ZWILCH: variants seen among roughly 807,000 people sequenced by gnomAD.
The protein encoded by ZWILCH is protein zwilch homolog.
Under a neutral mutation model 79.9 loss-of-function variants are expected in ZWILCH, and 74 were observed. That is an observed-to-expected ratio of 0.93 (90% CI 0.77 to 1.12). The LOEUF (loss-of-function observed/expected upper bound fraction) is 1.12, where lower values mean the gene tolerates loss of function less well. Among genes scored for constraint, ZWILCH ranks in the 50% most tolerant of loss-of-function variants. The pLI is 0.00. For synonymous variants in ZWILCH, 241 were observed against 228.2 expected (o/e 1.06, Z -0.51); for missense variants, 694 against 687.5 (o/e 1.01, Z -0.11).
At chr15:66,527,265 T>A in intron 8 of ZWILCH, 25 bp from the exon 9 acceptor site, 1 of 1,569,996 alleles carries the variant, frequency 6.4e-7, no homozygotes, top group Middle Eastern at 1.7e-4. Context: ...CTAACAAGTT[T>A]TTGGGGTTTT....
At position 66,544,724 on chromosome 15, in the gene ZWILCH, T is replaced by TTTTTTTTTGTGTGTGTGTGTG. The variant is rs145952622; in HGVS notation, c.1688-1866_1688-1865insTTTTTTTGTGTGTGTGTGTGT. 3.1e-5 allele frequency among the ~76,000 whole-genome samples: 4 copies of TTTTTTTTTGTGTGTGTGTGTG among 128,538 alleles called. No homozygotes were observed. In the East Asian group the frequency reaches 9.9e-4, roughly 32 times the overall value. 84.3% of individuals were successfully genotyped at this position (128,538 alleles called of 152,430 possible). On this transcript the variant is annotated intron_variant, in intron 17 of 18. Transcript: ENST00000307897. ...TGTTTTTTTGTTGTTTTTTTGGTTT[T>TTTTTTTTTGTGTGTGTGTGTG]TGTGTGTGTGTGTGTGTGTGTGTGT...
intron 3 of ZWILCH, among the ~76,000 whole-genome samples, chr15:66,514,923 T>A (rs1428364709): frequency 1.3e-5 from 2 of 152,142 alleles, no homozygotes; most frequent in East Asian, 3.9e-4. Flanking sequence ...CTTTACCTAA[T>A]CATTTTGTGC....
chr15:66,541,446 G>A (rs779835826), intron 17 of ZWILCH, among the ~76,000 whole-genome samples: 9 of 152,074 alleles, frequency 5.9e-5, no homozygotes, highest in Non-Finnish European at 1.2e-4. Flanking sequence ...TCAAGCAATA[G>A]GGACATAGGA....
chr15:66,521,247 C>T, intron 7 of ZWILCH, 42 bp downstream of exon 7: 1 of 1,595,760 alleles, frequency 6.3e-7, no homozygotes, highest in Non-Finnish European at 8.5e-7. Context: ...CATGAGACTC[C>T]TAAATGTTGG....
Position 66,519,083 on chromosome 15 carries a change from G to C in ZWILCH, c.520+5G>C, listed in dbSNP as rs1174560680. ...TATATGTGGTCAGTTGTAAAGGTGA[G>C]TGCTCTCTCTAGAGAGTGTGTGTGT... On this transcript the variant is annotated splice_donor_5th_base_variant and intron_variant, in intron 5 of 18. Transcript: ENST00000307897. 6.2e-7 allele frequency: 1 copy of C among 1,613,586 alleles called. No homozygotes were observed. Among genetic ancestry groups the C allele is most frequent in the Non-Finnish European group, 8.5e-7 (1 of 1,179,484 alleles).
intron 17 of ZWILCH, among the ~76,000 whole-genome samples, chr15:66,541,444 T>C (rs1295311080): frequency 6.6e-6 from 1 of 152,080 alleles, no homozygotes; most frequent in Non-Finnish European, 1.5e-5. Flanking sequence ...GATCAAGCAA[T>C]AGGGACATAG....
At chr15:66,525,711 A>G (rs538129446) in intron 8 of ZWILCH, among the ~76,000 whole-genome samples, 7 of 146,692 alleles carry the variant, frequency 4.8e-5, no homozygotes, top group Admixed American at 1.4e-4. Context: ...AAGTTCGCCT[A>G]TGCTCCTAAT....
At chr15:66,510,854 G>C (rs186924127) in intron 2 of ZWILCH, among the ~76,000 whole-genome samples, 71 of 152,282 alleles carry the variant, frequency 4.7e-4, no homozygotes, top group African/African-American at 1.6e-3. Flanking sequence ...CCCCCTGCGT[G>C]TCTATGCCTC....
In ZWILCH at chr15:66,519,090, C is replaced by T. The variant is rs368182026; in HGVS notation, c.520+12C>T. Reference sequence around the variant, plus strand: ...GGTCAGTTGTAAAGGTGAGTGCTCTCTCTAGAGAGTGTGTGTGTGTATTTA... The same window carrying T: ...GGTCAGTTGTAAAGGTGAGTGCTCTTTCTAGAGAGTGTGTGTGTGTATTTA... On this transcript the variant is annotated intron_variant, in intron 5 of 18. Coordinates refer to ENST00000307897, the MANE Select transcript of ZWILCH (RefSeq NM_017975.5). 2 of 1,611,174 alleles carry T rather than the reference C, an allele frequency of 1.2e-6. No individual in the cohort carries two copies. The highest frequency in any genetic ancestry group is 1.7e-6 in the Non-Finnish European group (2 of 1,177,338).
intron 8 of ZWILCH, among the ~76,000 whole-genome samples, chr15:66,525,672 T>C (rs1381189023): frequency 6.6e-6 from 1 of 151,578 alleles, no homozygotes; most frequent in East Asian, 1.9e-4. Context: ...ATGTTTAACA[T>C]CCCTGGCCCC....
chr15:66,524,057 A>G (rs1894594153), intron 8 of ZWILCH, among the ~76,000 whole-genome samples: 1 of 152,012 alleles, frequency 6.6e-6, no homozygotes, highest in South Asian at 2.1e-4. Context: ...GTCGATTGAC[A>G]TCTTAGTTGT....
intron 7 of ZWILCH, 94 bp downstream of exon 7, chr15:66,521,299 C>T (rs1042306432): frequency 9.0e-6 from 13 of 1,443,698 alleles, no homozygotes; most frequent in Middle Eastern, 4.8e-4. Flanking sequence ...CTAGCCTTGG[C>T]ACTTGCTGAG....
chr15:66,541,424 T>C (rs916476412), intron 17 of ZWILCH, among the ~76,000 whole-genome samples: 4 of 152,168 alleles, frequency 2.6e-5, no homozygotes, highest in African/African-American at 9.7e-5. Context: ...GAGGAACTTT[T>C]ACTAAAAGAG....
At position 66,520,913 on chromosome 15, in the gene ZWILCH, T is replaced by G. The variant is rs113945693; in HGVS notation, c.592-137T>G. 3.2e-3 allele frequency: 3,136 copies of G among 969,782 alleles called. 56 individuals are homozygous for G. In the African/African-American group the frequency reaches 0.045, roughly 14 times the overall value. 60.1% of individuals were successfully genotyped at this position (969,782 alleles called of 1,614,324 possible). On this transcript the variant is annotated intron_variant, in intron 6 of 18. Coordinates refer to ENST00000307897, the MANE Select transcript of ZWILCH (RefSeq NM_017975.5). ...ATGGAAAGTATATATCCCAAAAATATATGGAAAGTATATATCCCAAAAGTA... is the reference window on the plus strand; with the variant it reads ...ATGGAAAGTATATATCCCAAAAATAGATGGAAAGTATATATCCCAAAAGTA...
Position 66,515,659 on chromosome 15 carries a change from A to G in ZWILCH, c.320+15A>G, listed in dbSNP as rs1894224482. 1.3e-6 allele frequency: 2 copies of G among 1,557,302 alleles called. No individual in the cohort carries two copies. The highest frequency in any genetic ancestry group is 1.8e-6 in the Non-Finnish European group (2 of 1,129,124). ...GGGAAGGCAAGGTAGGTTTTCTCTT[A>G]TGCTGAGTAGGGGTGGCAACTAGGA... On this transcript the variant is annotated intron_variant, in intron 4 of 18. Coordinates refer to ENST00000307897, the MANE Select transcript of ZWILCH (RefSeq NM_017975.5).
At position 66,537,158 on chromosome 15, in the gene ZWILCH, GT is replaced by G; in HGVS notation, c.1479-4del. The G allele has an allele frequency of 4.4e-6, 7 of 1,606,938 alleles. No homozygotes were observed. The highest frequency in any genetic ancestry group is 5.9e-6 in the Non-Finnish European group (7 of 1,176,720). ...TTTTTTCCAAAAGAGGTTCCATTTTGTTTTTTCAGGATCTGCATAAAGTATT... is the reference window on the plus strand; with the variant it reads ...TTTTTTCCAAAAGAGGTTCCATTTTGTTTTTCAGGATCTGCATAAAGTATT... On this transcript the variant is annotated splice_polypyrimidine_tract_variant and intron_variant, in intron 15 of 18. Transcript: ENST00000307897.
At chr15:66,510,638 T>C (rs1378530275) in intron 2 of ZWILCH, among the ~76,000 whole-genome samples, 3 of 152,136 alleles carry the variant, frequency 2.0e-5, no homozygotes, top group African/African-American at 7.2e-5. Flanking sequence ...ATTAGGCAGC[T>C]TCAAACACAA....
At chr15:66,532,516 C>T (rs1314184915) in intron 13 of ZWILCH, 113 bp downstream of exon 13, 6 of 904,184 alleles carry the variant, frequency 6.6e-6, no homozygotes, top group Non-Finnish European at 9.6e-6. Context: ...TCCTTCCTGG[C>T]TTTGTACCTG....
In ZWILCH at chr15:66,521,098, T is replaced by C. The variant is rs767752119; in HGVS notation, c.640T>C (p.Leu214=). 6.2e-7 allele frequency: 1 copy of C among 1,614,198 alleles called. No individual in the cohort carries two copies. Among genetic ancestry groups the C allele is most frequent in the Non-Finnish European group, 8.5e-7 (1 of 1,180,038 alleles). The change falls in exon 7 of 19, where the codon TTG becomes CTG. Residue 214 remains leucine, a synonymous_variant. Transcript: ENST00000307897. ...GTATGAGCTCTTTAAGTCCTCTGCC[T>C]TGGATGATACAATCACAGCATCACA... ...AQYELFKSSA[L]DDTITASQTA...
Sources: allele counts gnomAD v4.1 joint callset (sites outside exome capture counted in the v4.1 genomes callset), GRCh38; gene constraint gnomAD v4.1.1; transcripts MANE v1.5; gene names NCBI Gene and HGNC (gene_info 2026-07-23, HGNC 2026-07-21).